GARNL3: variants seen among roughly 807,000 people sequenced by gnomAD.
The protein encoded by GARNL3 is GTPase activating Rap/RanGAP domain like 3.
GARNL3 carries 63 observed loss-of-function variants against 125.0 expected under a neutral mutation model. That is an observed-to-expected ratio of 0.50 (90% CI 0.41 to 0.62). The LOEUF (loss-of-function observed/expected upper bound fraction) is 0.62. Among genes scored for constraint, GARNL3 ranks in the 20% least tolerant of loss-of-function variants. GARNL3 has a pLI of 0.00. For missense variants in GARNL3, 994 were observed against 1,244.0 expected (o/e 0.80, Z 3.02); for synonymous variants, 439 against 457.5 (o/e 0.96, Z 0.52).
chr9:127,320,348 T>G (rs2065360557), intron 5 of GARNL3, among the ~76,000 whole-genome samples: 1 of 152,248 alleles, frequency 6.6e-6, no homozygotes, highest in South Asian at 2.1e-4. Flanking sequence ...TTGTCCAAAG[T>G]AAAACATTTT....
intron 19 of GARNL3, 23 bp from the exon 20 acceptor site, chr9:127,355,274 G>A (rs1192103489): frequency 6.2e-7 from 1 of 1,609,244 alleles, no homozygotes; most frequent in African/African-American, 1.3e-5. Flanking sequence ...CATGTGTAAG[G>A]CATCATTTCT....
chr9:127,233,028 G>A (rs1279237208), intron 1 of GARNL3, among the ~76,000 whole-genome samples: 1 of 152,150 alleles, frequency 6.6e-6, no homozygotes, highest in African/African-American at 2.4e-5. Context: ...ACTCCGGCCT[G>A]GGTGACAGAG....
At chr9:127,257,953 C>A (rs1414454954) in intron 2 of GARNL3, among the ~76,000 whole-genome samples, 2 of 152,034 alleles carry the variant, frequency 1.3e-5, no homozygotes, top group Non-Finnish European at 2.9e-5. Context: ...CTACTGTGTG[C>A]CATATGATCT....
intron 1 of GARNL3, among the ~76,000 whole-genome samples, chr9:127,237,274 G>A (rs1036471564): frequency 1.2e-4 from 18 of 152,170 alleles, no homozygotes; most frequent in Non-Finnish European, 1.2e-4. Context: ...AGCCACCACT[G>A]CTACTTCAGA....
Position 127,377,792 on chromosome 9 carries a change from C to CAAA in GARNL3, c.2162-5627_2162-5625dup, listed in dbSNP as rs56965235. The stretch of plus-strand genomic sequence containing the variant: ...TGGGCAAAAGAACCAGACTCCGTCT[C>CAAA]AAAAAAAAAAAAAAAAAAAAATGCA... On this transcript the variant is annotated intron_variant, in intron 22 of 27. Transcript: ENST00000373387. Among the ~76,000 whole-genome samples, 196 of 67,472 alleles carry CAAA rather than the reference C, an allele frequency of 2.9e-3. 2 individuals are homozygous for CAAA. The highest frequency in any genetic ancestry group is 0.012 in the East Asian group (37 of 3,038). 44.3% of individuals were successfully genotyped at this position (67,472 alleles called of 152,430 possible). A position where few individuals can be genotyped will look rare whatever the true frequency, so the allele number is the denominator to read the frequency against.
intron 20 of GARNL3, chr9:127,356,417 T>C (rs1295781890): frequency 6.6e-6 from 1 of 152,202 alleles, no homozygotes; most frequent in Non-Finnish European, 1.5e-5. Context: ...CACCATCTCT[T>C]ATCTTTTAAA....
chr9:127,262,499 G>C (rs1325668682), upstream of GARNL3, among the ~76,000 whole-genome samples: 2 of 152,176 alleles, frequency 1.3e-5, no homozygotes, highest in African/African-American at 4.8e-5. Flanking sequence ...GGCCTATATT[G>C]TCTTGGCCAG....
At chr9:127,226,724 C>T (rs959067513) in intron 1 of GARNL3, among the ~76,000 whole-genome samples, 8 of 152,230 alleles carry the variant, frequency 5.3e-5, no homozygotes, top group Non-Finnish European at 1.2e-4. Flanking sequence ...GTCTTCAAGT[C>T]CACATAACAC....
At chr9:127,299,759 C>CA (rs2064725383) in intron 2 of GARNL3, among the ~76,000 whole-genome samples, 3 of 152,098 alleles carry the variant, frequency 2.0e-5, no homozygotes, top group Admixed American at 2.0e-4. Flanking sequence ...TTAGTAGAGA[C>CA]CGGTTTCACC....
At chr9:127,375,950 C>A (rs1223150730) in intron 22 of GARNL3, among the ~76,000 whole-genome samples, 1 of 152,064 alleles carries the variant, frequency 6.6e-6, no homozygotes, top group Non-Finnish European at 1.5e-5. Context: ...ACTGTAACCT[C>A]CAATGACATC....
chr9:127,355,426 T>C lies in GARNL3; in HGVS notation c.1889T>C (p.Leu630Ser), dbSNP rs1830637541. ...KPSGVTSTSL[L>S]SPLSESPVEE... is the part of the protein sequence containing the mutation. The stretch of plus-strand genomic sequence containing the variant: ...AGCGGGGTCACCAGCACCTCATTGT[T>C]ATCTCCCCTGTCTGAGTCACCTGTT... Residue 630 changes from leucine (L) to serine (S), a missense_variant, in exon 20 of 28, where the codon TTA becomes TCA. Coordinates refer to ENST00000373387, the MANE Select transcript of GARNL3 (RefSeq NM_032293.5). The C allele has an allele frequency of 2.5e-6, 4 of 1,614,136 alleles. No homozygotes were observed. The Admixed American group carries it at 6.7e-5, about 27-fold the overall frequency.
At chr9:127,373,233 A>G (rs1351482582) in intron 22 of GARNL3, among the ~76,000 whole-genome samples, 1 of 152,216 alleles carries the variant, frequency 6.6e-6, no homozygotes, top group East Asian at 1.9e-4. Context: ...CTTCCTAGAG[A>G]ACTGAAAAGA....
intron 1 of GARNL3, 108 bp from the exon 2 acceptor site, chr9:127,291,059 CT>C (rs1291666846): frequency 2.7e-6 from 3 of 1,093,100 alleles, no homozygotes. Flanking sequence ...AGCTTCTAGG[CT>C]GGGCACTCCA....
intron 1 of GARNL3, among the ~76,000 whole-genome samples, chr9:127,289,310 G>C (rs1007281969): frequency 6.6e-6 from 1 of 152,184 alleles, no homozygotes; most frequent in African/African-American, 2.4e-5. Flanking sequence ...TTGCTAGAAG[G>C]ACTCACAGAA....
intron 22 of GARNL3, among the ~76,000 whole-genome samples, chr9:127,376,528 C>T (rs1332470178): frequency 6.6e-6 from 1 of 152,080 alleles, no homozygotes; most frequent in Non-Finnish European, 1.5e-5. Flanking sequence ...AGCCTCTTAA[C>T]ATTTTAACGT....
At chr9:127,268,004 G>A (rs2063739686) in intron 1 of GARNL3, among the ~76,000 whole-genome samples, 1 of 152,216 alleles carries the variant, frequency 6.6e-6, no homozygotes, top group Non-Finnish European at 1.5e-5. Flanking sequence ...TCCTGCATTA[G>A]TTTGGTGATG....
At chr9:127,381,564 T>C (rs1336149446) in intron 22 of GARNL3, among the ~76,000 whole-genome samples, 1 of 152,084 alleles carries the variant, frequency 6.6e-6, no homozygotes, top group African/African-American at 2.4e-5. Flanking sequence ...TTATACAGTA[T>C]GTACTCAGAT....
At chr9:127,336,676 GA>G (rs1829570739) in intron 11 of GARNL3, among the ~76,000 whole-genome samples, 2 of 152,208 alleles carry the variant, frequency 1.3e-5, no homozygotes, top group African/African-American at 4.8e-5. Flanking sequence ...TGAAATTTGA[GA>G]AATGATAGAA....
chr9:127,308,431 T>C (rs2065012862), intron 2 of GARNL3, among the ~76,000 whole-genome samples: 1 of 152,156 alleles, frequency 6.6e-6, no homozygotes, highest in Admixed American at 6.5e-5. Flanking sequence ...CTATTGGGTA[T>C]TATGCTGATT....
Sources: gnomAD v4.1 joint callset for allele counts (sites outside exome capture counted in the v4.1 genomes callset) on GRCh38, gnomAD v4.1.1 for gene constraint, MANE v1.5 for transcripts, NCBI Gene and HGNC (gene_info 2026-07-23, HGNC 2026-07-21) for gene names.